Variants in VAC14 observed in about 807,000 individuals in gnomAD.
VAC14 encodes the protein protein VAC14 homolog.
In VAC14, 47 loss-of-function variants were observed where a neutral mutation model predicts 85.3. That is an observed-to-expected ratio of 0.55 (90% CI 0.44 to 0.70). The LOEUF (loss-of-function observed/expected upper bound fraction) is 0.70. Among genes scored for constraint, VAC14 ranks in the 30% least tolerant of loss-of-function variants. The pLI, the probability that VAC14 is intolerant of heterozygous loss-of-function variation, is 0.00. For synonymous variants in VAC14, 447 were observed against 430.5 expected (o/e 1.04, Z -0.47); for missense variants, 861 against 1,004.3 (o/e 0.86, Z 1.93).
At chr16:70,710,402 A>T (rs535373387) in intron 14 of VAC14, among the ~76,000 whole-genome samples, 1 of 152,154 alleles carries the variant, frequency 6.6e-6, no homozygotes, top group East Asian at 1.9e-4. Flanking sequence ...ATGGAAAGGC[A>T]TCCCTGCATC....
chr16:70,751,754 G>A (rs1320487028), intron 12 of VAC14, among the ~76,000 whole-genome samples: 1 of 152,224 alleles, frequency 6.6e-6, no homozygotes, highest in African/African-American at 2.4e-5. Flanking sequence ...TTCCACTGCT[G>A]AGAGCATGGA....
At chr16:70,791,305 T>C (rs1407504606) in intron 1 of VAC14, among the ~76,000 whole-genome samples, 1 of 152,248 alleles carries the variant, frequency 6.6e-6, no homozygotes, top group Admixed American at 6.5e-5. Context: ...GGACCCCTCA[T>C]TCTGTGCCCA....
At chr16:70,761,372 A>G in intron 12 of VAC14, 4 of 229,608 alleles carry the variant, frequency 1.7e-5, no homozygotes, top group South Asian at 1.4e-4. Context: ...CTCTGCCTAC[A>G]GCTCACAGTG....
At chr16:70,724,663 C>T (rs987170475) in intron 14 of VAC14, among the ~76,000 whole-genome samples, 5 of 152,326 alleles carry the variant, frequency 3.3e-5, no homozygotes, top group South Asian at 2.1e-4. Context: ...CACTCCTCTG[C>T]GTCCCTTGCA....
chr16:70,801,124 G>T lies in VAC14; in HGVS notation c.-224C>A, dbSNP rs574310081. 4 of 429,922 alleles carry T rather than the reference G, an allele frequency of 9.3e-6. No individual in the cohort carries two copies. Among genetic ancestry groups the T allele is most frequent in the Middle Eastern group, 5.9e-4 (1 of 1,698 alleles). 26.6% of individuals were successfully genotyped at this position (429,922 alleles called of 1,614,324 possible). On this transcript the variant is annotated 5_prime_UTR_variant, in exon 1 of 19. Transcript: ENST00000261776. ...TTAACAACTCCCGCCCGGCACTAGCGGGACTCACGAGACAGCGGCCATGTT... is the reference window on the plus strand; with the variant it reads ...TTAACAACTCCCGCCCGGCACTAGCTGGACTCACGAGACAGCGGCCATGTT...
At chr16:70,728,670 C>A (rs1274700596) in intron 14 of VAC14, among the ~76,000 whole-genome samples, 1 of 152,204 alleles carries the variant, frequency 6.6e-6, no homozygotes, top group African/African-American at 2.4e-5. Flanking sequence ...TGGTTACTAC[C>A]CCAAACTCCT....
At chr16:70,689,837 A>G (rs1274327680) in intron 18 of VAC14, 10 of 985,390 alleles carry the variant, frequency 1.0e-5, no homozygotes, top group Non-Finnish European at 9.6e-6. Flanking sequence ...CTTGGGAACC[A>G]GGTGCCACTG....
chr16:70,739,681 T>G (rs944088184), intron 13 of VAC14, among the ~76,000 whole-genome samples: 1 of 152,140 alleles, frequency 6.6e-6, no homozygotes, highest in African/African-American at 2.4e-5. Flanking sequence ...CACGCGTGAG[T>G]GCTCAGAGCA....
chr16:70,742,901 A>G (rs986741086), intron 13 of VAC14, among the ~76,000 whole-genome samples: 2 of 152,256 alleles, frequency 1.3e-5, no homozygotes, highest in East Asian at 1.9e-4. Flanking sequence ...GGACTTGGAG[A>G]ACTTTTCTGT....
chr16:70,751,168 C>T (rs1254596646), intron 12 of VAC14, among the ~76,000 whole-genome samples: 2 of 152,184 alleles, frequency 1.3e-5, no homozygotes, highest in East Asian at 1.9e-4. Context: ...GGCCATTGGT[C>T]GGCTGATGAG....
At chr16:70,729,927 A>C (rs1422395072) in intron 14 of VAC14, among the ~76,000 whole-genome samples, 2 of 151,818 alleles carry the variant, frequency 1.3e-5, no homozygotes, top group East Asian at 3.9e-4. Context: ...CTACTTCTTC[A>C]ATACCTTCTT....
intron 13 of VAC14, among the ~76,000 whole-genome samples, chr16:70,732,593 A>G (rs571862220): frequency 6.6e-5 from 10 of 151,966 alleles, no homozygotes; most frequent in African/African-American, 2.2e-4. Context: ...CTGTGAAAGG[A>G]GTTACCAAGG....
intron 14 of VAC14, chr16:70,700,344 C>T (rs1009109709): frequency 1.3e-5 from 2 of 152,228 alleles, no homozygotes; most frequent in Non-Finnish European, 2.9e-5. Context: ...GAGTGAGGGC[C>T]GCTTCATCTC....
chr16:70,728,979 G>A (rs1373705681), intron 14 of VAC14, among the ~76,000 whole-genome samples: 1 of 152,184 alleles, frequency 6.6e-6, no homozygotes, highest in Non-Finnish European at 1.5e-5. Flanking sequence ...ACTGGCCAAC[G>A]TGATGGGAAG....
At chr16:70,739,069 C>G (rs1309629640) in intron 13 of VAC14, among the ~76,000 whole-genome samples, 1 of 152,228 alleles carries the variant, frequency 6.6e-6, no homozygotes, top group Admixed American at 6.5e-5. Flanking sequence ...AGGACACAAG[C>G]AAAGGCCCCC....
intron 9 of VAC14, among the ~76,000 whole-genome samples, chr16:70,777,112 T>G (rs958295441): frequency 6.6e-6 from 1 of 151,398 alleles, no homozygotes; most frequent in Non-Finnish European, 1.5e-5. Flanking sequence ...TGGCCCCTAA[T>G]TTTTGTATTT....
At chr16:70,699,157 C>T (rs1006143814) in intron 14 of VAC14, 1 of 233,724 alleles carries the variant, frequency 4.3e-6, no homozygotes, top group Non-Finnish European at 8.8e-6. Context: ...CATGTCTGAG[C>T]AATGGCCCCC....
At chr16:70,732,752 C>T (rs1323617825) in intron 13 of VAC14, among the ~76,000 whole-genome samples, 3 of 151,834 alleles carry the variant, frequency 2.0e-5, no homozygotes, top group African/African-American at 7.3e-5. Flanking sequence ...AAGCTATCCT[C>T]TTGTCCCAGC....
At chr16:70,765,570 C>A (rs986463936) in intron 10 of VAC14, among the ~76,000 whole-genome samples, 1 of 152,196 alleles carries the variant, frequency 6.6e-6, no homozygotes, top group African/African-American at 2.4e-5. Context: ...TAGGAAGTCA[C>A]CTGGCCAAGA....
Sources: gnomAD v4.1 joint callset for allele counts (sites outside exome capture counted in the v4.1 genomes callset) on GRCh38, gnomAD v4.1.1 for gene constraint, MANE v1.5 for transcripts, NCBI Gene and HGNC (gene_info 2026-07-23, HGNC 2026-07-21) for gene names.